SIRT3: variants seen among roughly 807,000 people sequenced by gnomAD.
SIRT3 encodes the protein NAD-dependent protein deacetylase sirtuin-3, mitochondrial.
A neutral mutation model predicts 33.5 loss-of-function variants in SIRT3; 26 were observed. The ratio of observed to expected loss-of-function variants is 0.78; its 90% CI spans 0.57 to 1.08. The LOEUF is 1.08. Ranked by LOEUF, SIRT3 falls within the 50% of genes least tolerant of loss-of-function variation. SIRT3 has a pLI of 0.00. For missense variants in SIRT3, 585 were observed against 530.1 expected (o/e 1.10, Z -1.02); for synonymous variants, 237 against 222.1 (o/e 1.07, Z -0.60).
chr11:235,715 G>A (rs570939467), intron 1 of SIRT3, among the ~76,000 whole-genome samples: 1 of 152,302 alleles, frequency 6.6e-6, no homozygotes, highest in South Asian at 2.1e-4. Flanking sequence ...CAACATTTAT[G>A]AGGGATCATT....
In SIRT3 at chr11:233,222, G is replaced by A. The variant is rs577213971; in HGVS notation, c.474-7C>T. 7.4e-6 allele frequency: 12 copies of A among 1,611,904 alleles called. No individual in the cohort carries two copies. Among genetic ancestry groups the A allele is most frequent in the Non-Finnish European group, 1.0e-5 (12 of 1,178,612 alleles). On this transcript the variant is annotated splice_polypyrimidine_tract_variant and splice_region_variant and intron_variant, in intron 2 of 6. Coordinates refer to ENST00000382743, the MANE Select transcript of SIRT3 (RefSeq NM_012239.6). ...CAGGCCACTCCCCGGCGATCTGCAG[G>A]GAGAGAAGAAAGGCTCTGAGGCCTT... is the stretch of plus-strand genomic sequence containing the variant.
chr11:229,820 T>C (rs78055016), intron 4 of SIRT3, among the ~76,000 whole-genome samples: 194 of 152,212 alleles, frequency 1.3e-3, no homozygotes, highest in Non-Finnish European at 2.3e-3. Context: ...GTAGGTATCA[T>C]ACTCAAAAGA....
At chr11:233,700 T>C in intron 1 of SIRT3, 166 bp from the exon 2 acceptor site, 1 of 654,924 alleles carries the variant, frequency 1.5e-6, no homozygotes, top group Non-Finnish European at 2.6e-6. Context: ...ACTATTGGGG[T>C]ACAACAAAAA....
intron 4 of SIRT3, among the ~76,000 whole-genome samples, chr11:224,850 T>C (rs1170915689): frequency 6.6e-6 from 1 of 151,904 alleles, no homozygotes; most frequent in African/African-American, 2.4e-5. Flanking sequence ...TTGGAGCAGA[T>C]GGAAAAGGGA....
intron 4 of SIRT3, among the ~76,000 whole-genome samples, chr11:228,348 T>G (rs143791303): frequency 6.6e-6 from 1 of 152,252 alleles, no homozygotes; most frequent in African/African-American, 2.4e-5. Flanking sequence ...GTTTCTACTA[T>G]GTGCTGGACT....
rs560471253 is a variant in SIRT3 at position 232,859 on chromosome 11, C to T, written c.706+124G>A. 12 of 870,502 alleles carry T rather than the reference C, an allele frequency of 1.4e-5. No homozygotes were observed. The East Asian group carries it at 2.6e-4, about 19-fold the overall frequency. 53.9% of individuals were successfully genotyped at this position (870,502 alleles called of 1,614,324 possible). A position where few individuals can be genotyped will look rare whatever the true frequency, so the allele number is the denominator to read the frequency against. ...AGAAGCATAAGCGATAGGTTTTGGC[C>T]GTCCCCAGAAACAGGCACCCGAGCA... is the stretch of plus-strand genomic sequence containing the variant. On this transcript the variant is annotated intron_variant, in intron 3 of 6. Transcript: ENST00000382743.
At chr11:229,393 C>G (rs956273268) in intron 4 of SIRT3, among the ~76,000 whole-genome samples, 1 of 151,952 alleles carries the variant, frequency 6.6e-6, no homozygotes, top group Non-Finnish European at 1.5e-5. Context: ...TACAGTGAGC[C>G]GAGATTGCGC....
At chr11:235,980 A>T in intron 1 of SIRT3, 68 bp downstream of exon 1, 1 of 1,393,230 alleles carries the variant, frequency 7.2e-7, no homozygotes, top group Non-Finnish European at 9.3e-7. Context: ...AAACACGGCA[A>T]GGTGAGAAAG....
At chr11:226,296 G>A (rs537898602) in intron 4 of SIRT3, among the ~76,000 whole-genome samples, 14 of 152,264 alleles carry the variant, frequency 9.2e-5, no homozygotes, top group African/African-American at 2.6e-4. Context: ...AGTGAGGCGC[G>A]TCTGACCTCC....
At chr11:227,147 A>G (rs894067272) in intron 4 of SIRT3, among the ~76,000 whole-genome samples, 2 of 151,882 alleles carry the variant, frequency 1.3e-5, no homozygotes, top group Non-Finnish European at 2.9e-5. Flanking sequence ...GTCTTAAAAA[A>G]CAGGCAGAGA....
chr11:218,661 G>C (rs1430829040), intron 6 of SIRT3, 171 bp downstream of exon 6: 1 of 1,194,418 alleles, frequency 8.4e-7, no homozygotes, highest in African/African-American at 1.5e-5. Flanking sequence ...TCTAAATGGA[G>C]GTATTGAAAG....
chr11:216,740 G>A (rs369822129), intron 6 of SIRT3, 22 bp from the exon 7 acceptor site: 1 of 1,613,940 alleles, frequency 6.2e-7, no homozygotes, highest in Non-Finnish European at 8.5e-7. Context: ...AAGACAGAGG[G>A]TATCAGCTAT....
chr11:229,187 C>T (rs919232850), intron 4 of SIRT3, among the ~76,000 whole-genome samples: 1 of 150,404 alleles, frequency 6.6e-6, no homozygotes, highest in African/African-American at 2.4e-5. Flanking sequence ...GGCGCAGTGG[C>T]TCTCGCCTGT....
chr11:227,475 A>C (rs1205367446), intron 4 of SIRT3, among the ~76,000 whole-genome samples: 1 of 152,000 alleles, frequency 6.6e-6, no homozygotes, highest in African/African-American at 2.4e-5. Flanking sequence ...AACAAAAATA[A>C]AACAGGCAGA....
chr11:227,399 C>T (rs925169656), intron 4 of SIRT3, among the ~76,000 whole-genome samples: 1 of 151,702 alleles, frequency 6.6e-6, no homozygotes, highest in Admixed American at 6.6e-5. Flanking sequence ...GATCATACCA[C>T]TGCACTCCAG....
chr11:233,465 G>T lies in SIRT3; in HGVS notation c.351C>A (p.Ser117Arg). The change falls in exon 2 of 7, where the codon AGC becomes AGA. Residue 117 changes from serine (S) to arginine (R), a missense_variant. Physicochemically the swap from Ser to Arg is moderately radical, Grantham distance 110. Transcript: ENST00000382743. ...GCAGGGAAAGCTTCCCCTTGTCACT[G>T]CTGCCTCCACTTCCAACAACACTTG... is the stretch of plus-strand genomic sequence containing the variant. ...GASSVVGSGG[S>R]SDKGKLSLQD... 2 of 1,614,056 alleles carry T rather than the reference G, an allele frequency of 1.2e-6. No individual in the cohort carries two copies. The highest frequency in any genetic ancestry group is 1.7e-6 in the Non-Finnish European group (2 of 1,180,006).
At position 219,518 on chromosome 11, in the gene SIRT3, G is replaced by A. The variant is rs573615597; in HGVS notation, c.970-477C>T. On this transcript the variant is annotated intron_variant, in intron 5 of 6. Coordinates refer to ENST00000382743, the MANE Select transcript of SIRT3 (RefSeq NM_012239.6). Reference sequence around the variant, plus strand: ...GCCCCCGAGCAGGAGTTACTGTTACGTCTCTCCATGGTCTTCCCCACCCAG... The same window carrying A: ...GCCCCCGAGCAGGAGTTACTGTTACATCTCTCCATGGTCTTCCCCACCCAG... 4.4e-4 allele frequency among the ~76,000 whole-genome samples: 67 copies of A among 152,268 alleles called. 1 individual carries two copies. In the South Asian group the frequency reaches 0.013, roughly 29 times the overall value.
At chr11:221,807 T>C (rs56407328) in intron 5 of SIRT3, among the ~76,000 whole-genome samples, 8,050 of 151,518 alleles carry the variant, frequency 0.053, 711 homozygotes, top group African/African-American at 0.19. Flanking sequence ...ACTCACATTG[T>C]TACGTGAAAA....
intron 1 of SIRT3, among the ~76,000 whole-genome samples, chr11:234,533 G>A (rs1166929466): frequency 2.6e-5 from 4 of 152,100 alleles, no homozygotes; most frequent in Non-Finnish European, 5.9e-5. Context: ...TCCTGCCTCA[G>A]CCTCCCGAGT....
Sources: gnomAD v4.1 joint callset for allele counts (sites outside exome capture counted in the v4.1 genomes callset) on GRCh38, gnomAD v4.1.1 for gene constraint, MANE v1.5 for transcripts, NCBI Gene and HGNC (gene_info 2026-07-23, HGNC 2026-07-21) for gene names.